The following SPEG variants were observed in gnomAD, a reference collection of about 807,000 sequenced individuals.
SPEG encodes striated muscle preferentially expressed protein kinase.
A neutral mutation model predicts 300.4 loss-of-function variants in SPEG; 114 were observed. The ratio of observed to expected loss-of-function variants is 0.38; its 90% confidence interval spans 0.33 to 0.44. The LOEUF (loss-of-function observed/expected upper bound fraction) is 0.44. SPEG is among the 20% of genes least tolerant of loss of function. The pLI, the probability that SPEG is intolerant of heterozygous loss-of-function variation, is 1.00. For synonymous variants in SPEG, 1,964 were observed against 2,018.9 expected (o/e 0.97, Z 0.73); for missense variants, 4,201 against 4,586.2 (o/e 0.92, Z 2.43).
At position 219,484,260 on chromosome 2, in the gene SPEG, C is replaced by A. The variant is rs568472964; in HGVS notation, c.6797C>A (p.Ala2266Asp). The change falls in exon 30 of 41, where the codon GCC becomes GAC. Residue 2266 changes from alanine (A) to aspartate (D), a missense_variant. By Grantham distance (126) the Ala-to-Asp change is moderately radical (BLOSUM62 -2). Coordinates refer to ENST00000312358, the MANE Select transcript of SPEG (RefSeq NM_005876.5). ...GCCCAGGGCCCCTCGCAGGGCCCTG[C>A]CGCGCCGCCTTCAGAGCCCAAGCCC... ...GHAQGPSQGP[A>D]APPSEPKPHA... The A allele has an allele frequency of 1.9e-6, 3 of 1,610,040 alleles. No individual in the cohort carries two copies. The highest frequency in any genetic ancestry group is 2.7e-5 in the African/African-American group (2 of 75,020).
At chr2:219,486,102 C>T (rs375572862) in intron 31 of SPEG, among the ~76,000 whole-genome samples, 6 of 152,274 alleles carry the variant, frequency 3.9e-5, no homozygotes, top group African/African-American at 1.4e-4. Flanking sequence ...CTGACTGCCC[C>T]TCCCTGACCC....
chr2:219,467,060 A>G, intron 9 of SPEG, 114 bp from the exon 10 acceptor site: 1 of 1,346,024 alleles, frequency 7.4e-7, no homozygotes, highest in Non-Finnish European at 1.0e-6. Context: ...TCCAGAGAAC[A>G]AAATGCATCT....
intron 36 of SPEG, among the ~76,000 whole-genome samples, chr2:219,490,162 AG>A (rs1693832153): frequency 6.6e-6 from 1 of 152,236 alleles, no homozygotes; most frequent in Non-Finnish European, 1.5e-5. Flanking sequence ...CTGCGCTATT[AG>A]CATCACCCAT....
rs1690350570 is a variant in SPEG at position 219,458,267 on chromosome 2, C to A, written c.2441-3615C>A. On this transcript the variant is annotated intron_variant, in intron 6 of 40. Coordinates refer to ENST00000312358, the MANE Select transcript of SPEG (RefSeq NM_005876.5). The surrounding 1 kb of genome is among the most constrained non-coding windows in gnomAD (Gnocchi z 4.2). ...AGGTGAGGCTAGGCATGACACCCAG[C>A]CACAAGGGTCATGAGGCTCTGCCTA... 6.6e-6 allele frequency among the ~76,000 whole-genome samples: 1 copy of A among 152,174 alleles called. No homozygotes were observed. Among genetic ancestry groups the A allele is most frequent in the Admixed American group, 6.5e-5 (1 of 15,278 alleles).
chr2:219,483,560 C>A lies in SPEG; in HGVS notation c.6097C>A (p.His2033Asn). The A allele has an allele frequency of 6.9e-7, 1 of 1,446,768 alleles. No homozygotes were observed. Among genetic ancestry groups the A allele is most frequent in the East Asian group, 2.8e-5 (1 of 36,000 alleles). 89.6% of individuals were successfully genotyped at this position (1,446,768 alleles called of 1,614,324 possible). ...AGPRELGRGLHKAASVELPQR... is the reference protein window; with the variant it reads ...AGPRELGRGLNKAASVELPQR... The stretch of plus-strand genomic sequence containing the variant: ...GCCGCGGGAGCTGGGCCGGGGCCTG[C>A]ACAAGGCGGCGTCTGTGGAGCTGCC... The change falls in exon 30 of 41, where the codon CAC becomes AAC. Residue 2033 changes from histidine to asparagine, a missense_variant. Around this residue, in one of 4 missense-constraint regions of SPEG, gnomAD observed 1,578 missense variants for 1,506.0 expected, o/e 1.05. Transcript: ENST00000312358.
rs1301199815 is a variant in SPEG at position 219,483,900 on chromosome 2, G to C, written c.6437G>C (p.Gly2146Ala). The C allele has an allele frequency of 6.2e-7, 1 of 1,600,924 alleles. No homozygotes were observed. Among genetic ancestry groups the C allele is most frequent in the African/African-American group, 1.3e-5 (1 of 74,836 alleles). ...CCCCGGGGCCGGCACCGCCGAGCGG[G>C]GGCGCCCCTCGAGATCCCCGTGGCC... ...AEPRGRHRRA[G>A]APLEIPVARL... Residue 2146 changes from glycine to alanine, a missense_variant, in exon 30 of 41, where the codon GGG (glycine) becomes GCG (alanine). Gly to Ala is a moderately conservative substitution (Grantham distance 60). This residue lies in a region of SPEG where 1,578 missense variants were observed against 1,506.0 expected (regional missense o/e 1.05). Transcript: ENST00000312358.
chr2:219,441,451 C>T, intron 1 of SPEG: 1 of 464,530 alleles, frequency 2.2e-6, no homozygotes, highest in Admixed American at 2.4e-5. Flanking sequence ...GGACCCTTGC[C>T]CTGCGTTTGA....
Position 219,464,709 on chromosome 2 carries a change from A to G in SPEG, c.2881+101A>G. On this transcript the variant is annotated intron_variant, in intron 9 of 40. Transcript: ENST00000312358. This position sits in a 1 kb window ranked among gnomAD's most constrained non-coding sequence, Gnocchi z 4.5. ...CCTCAGTTAGAGGATGCCACCACTG[A>G]AAGGGCCTTAAGGGGCCCCTAGTCC... The G allele has an allele frequency of 7.8e-7, 1 of 1,278,584 alleles. No individual in the cohort carries two copies. 79.2% of individuals were successfully genotyped at this position (1,278,584 alleles called of 1,614,324 possible).
Position 219,451,156 on chromosome 2 carries a change from G to A in SPEG, c.2134G>A (p.Val712Met), listed in dbSNP as rs375953839. 6.8e-6 allele frequency: 11 copies of A among 1,613,172 alleles called. No homozygotes were observed. Among genetic ancestry groups the A allele is most frequent in the Admixed American group, 1.7e-5 (1 of 59,814 alleles). Residue 712 changes from valine to methionine, a missense_variant, in exon 5 of 41, where the codon GTG (valine) becomes ATG (methionine). Physicochemically the swap from Val to Met is conservative, Grantham distance 21. This residue lies in a region of SPEG where 1,258 missense variants were observed against 1,293.9 expected (regional missense o/e 0.97). Transcript: ENST00000312358. The surrounding 1 kb of genome is among the most constrained non-coding windows in gnomAD (Gnocchi z 6.4). ...GGCAGAGTCTTCGGATGACTCCTAC[G>A]TGTCCGCTGGAGAAGAGCCCCTAGA... ...PELESSDDSY[V>M]SAGEEPLEAP...
At position 219,464,660 on chromosome 2, in the gene SPEG, C is replaced by T. The variant is rs752229897; in HGVS notation, c.2881+52C>T. On this transcript the variant is annotated intron_variant, in intron 9 of 40. Transcript: ENST00000312358. The surrounding 1 kb of genome is among the most constrained non-coding windows in gnomAD (Gnocchi z 4.5). ...CCCACCTGGCCCTGGCCCCTTCCTT[C>T]CCCCACTGTCTGCTCTCACACAGCC... 3.2e-6 allele frequency: 5 copies of T among 1,561,796 alleles called. No homozygotes were observed. The highest frequency in any genetic ancestry group is 4.4e-6 in the Non-Finnish European group (5 of 1,137,248).
At chr2:219,455,634 C>G (rs1690118256) in intron 6 of SPEG, among the ~76,000 whole-genome samples, 1 of 152,204 alleles carries the variant, frequency 6.6e-6, no homozygotes, top group Non-Finnish European at 1.5e-5. Context: ...TATCCCACCC[C>G]CCTTTCCTGT....
chr2:219,470,377 T>C (rs1691765173), intron 13 of SPEG, among the ~76,000 whole-genome samples: 1 of 152,184 alleles, frequency 6.6e-6, no homozygotes, highest in Non-Finnish European at 1.5e-5. Context: ...TCTCCAGTGA[T>C]GCCACCCCGG....
chr2:219,472,001 C>T lies in SPEG; in HGVS notation c.3835+14C>T, dbSNP rs73087210. The T allele has an allele frequency of 0.12, 194,269 of 1,609,314 alleles. 12,786 individuals are homozygous for T. The highest frequency in any genetic ancestry group is 0.27 in the African/African-American group (19,911 of 74,974). On this transcript the variant is annotated intron_variant, in intron 14 of 40. Transcript: ENST00000312358. The stretch of plus-strand genomic sequence containing the variant: ...TGTATGTCACAGGTGAGGCAGGCAC[C>T]CTCGTGGTCAGCTGCACGCACAGCC...
chr2:219,451,239 G>A lies in SPEG; in HGVS notation c.2217G>A (p.Val739=), dbSNP rs372147992. 3.2e-5 allele frequency: 52 copies of A among 1,613,664 alleles called. No homozygotes were observed. The highest frequency in any genetic ancestry group is 4.2e-5 in the Non-Finnish European group (49 of 1,179,940). ...TGGTGGTGGCACCAGGGGCAGATGTGCTGCTCAAGTGTATCATCACTGCCA... is the reference window on the plus strand; with the variant it reads ...TGGTGGTGGCACCAGGGGCAGATGTACTGCTCAAGTGTATCATCACTGCCA... ...QNVVVAPGAD[V]LLKCIITANP... Residue 739 remains valine (V), a synonymous_variant, in exon 5 of 41, where the codon GTG becomes GTA. Transcript: ENST00000312358. The surrounding 1 kb of genome is among the most constrained non-coding windows in gnomAD (Gnocchi z 6.4).
intron 9 of SPEG, chr2:219,465,818 TGCGTGC>T: frequency 3.3e-6 from 2 of 602,962 alleles, no homozygotes; most frequent in South Asian, 1.9e-5. Flanking sequence ...TGTGTGCGTG[TGCGTGC>T]GCATGCGTGC....
At position 219,468,773 on chromosome 2, in the gene SPEG, C is replaced by G. The variant is rs568143770; in HGVS notation, c.3301+37C>G. On this transcript the variant is annotated intron_variant, in intron 11 of 40. Coordinates refer to ENST00000312358, the MANE Select transcript of SPEG (RefSeq NM_005876.5). Reference sequence around the variant, plus strand: ...GTGCTGCAGGTGTTGAGGGCCCCCCCAAGGGCCCAGGCGGCGATGGGGTGC... The same window carrying G: ...GTGCTGCAGGTGTTGAGGGCCCCCCGAAGGGCCCAGGCGGCGATGGGGTGC... The G allele has an allele frequency of 1.3e-5, 21 of 1,611,444 alleles. No homozygotes were observed. In the South Asian group the frequency reaches 1.8e-4, roughly 13 times the overall value.
Position 219,467,178 on chromosome 2 carries a change from C to A in SPEG, c.2886C>A (p.His962Gln). ...QCEARLEVRA[H>Q]PESRSLAVLA... Reference sequence around the variant, plus strand: ...CCGTGGCTGCTTTCCCCTCAGCACACCCTGAAAGCCGGTCCCTGGCCGTGC... The same window carrying A: ...CCGTGGCTGCTTTCCCCTCAGCACAACCTGAAAGCCGGTCCCTGGCCGTGC... Residue 962 changes from histidine (H) to glutamine (Q), a missense_variant, in exon 10 of 41, where the codon CAC becomes CAA. Physicochemically the swap from His to Gln is conservative, Grantham distance 24. Around this residue, in one of 4 missense-constraint regions of SPEG, gnomAD observed 1,047 missense variants for 1,356.8 expected, o/e 0.77. Transcript: ENST00000312358. The A allele has an allele frequency of 6.3e-7, 1 of 1,575,974 alleles. No individual in the cohort carries two copies. The highest frequency in any genetic ancestry group is 8.6e-7 in the Non-Finnish European group (1 of 1,162,630).
chr2:219,478,996 C>T lies in SPEG; in HGVS notation c.5028-148C>T, dbSNP rs35860199. 5.5e-3 allele frequency: 3,761 copies of T among 680,234 alleles called. 34 individuals are homozygous for T. Among genetic ancestry groups the T allele is most frequent in the South Asian group, 0.013 (771 of 58,926 alleles). 42.1% of individuals were successfully genotyped at this position (680,234 alleles called of 1,614,324 possible). A position where few individuals can be genotyped will look rare whatever the true frequency, so the allele number is the denominator to read the frequency against. On this transcript the variant is annotated intron_variant, in intron 22 of 40. Transcript: ENST00000312358. ...GGACAGGAGGTGGGGAGGGGGTACA[C>T]GTGGAGGAGCGGAGAGGCAGTCTCT...
At position 219,477,817 on chromosome 2, in the gene SPEG, C is replaced by G; in HGVS notation, c.4826+32C>G. On this transcript the variant is annotated intron_variant, in intron 21 of 40. Transcript: ENST00000312358. This position sits in a 1 kb window ranked among gnomAD's most constrained non-coding sequence, Gnocchi z 6.4. ...GGCTAGGAGGGAAGCCAGTGGGGGC[C>G]GAGAGAGGCTGCTGGGTCTGAGGGT... 6.3e-7 allele frequency: 1 copy of G among 1,593,042 alleles called. No homozygotes were observed. Among genetic ancestry groups the G allele is most frequent in the African/African-American group, 1.3e-5 (1 of 74,764 alleles).
Sources: gnomAD v4.1 joint callset for allele counts (sites outside exome capture counted in the v4.1 genomes callset) on GRCh38, gnomAD v4.1.1 for gene constraint, gnomAD v4.1.1 regional missense constraint, Gnocchi (gnomAD v3.1) non-coding constraint, MANE v1.5 for transcripts, NCBI Gene and HGNC (gene_info 2026-07-23, HGNC 2026-07-21) for gene names.